NR2F1-AS1: variants seen among roughly 807,000 people sequenced by gnomAD.
NR2F1-AS1 encodes NR2F1 antisense RNA 1.
chr5:93,440,169 TTCTC>T (rs1749533042), intron 4 of NR2F1-AS1, among the ~76,000 whole-genome samples: 1 of 148,844 alleles, frequency 6.7e-6, no homozygotes, highest in African/African-American at 2.5e-5. Context: ...TCAATCCTCT[TTCTC>T]TCGCTCGCTC....
chr5:93,440,674 G>A (rs1230624108), intron 4 of NR2F1-AS1, among the ~76,000 whole-genome samples: 1 of 152,078 alleles, frequency 6.6e-6, no homozygotes, highest in Non-Finnish European at 1.5e-5. Flanking sequence ...CTCTGTTTCT[G>A]AAGATATCTA....
intron 4 of NR2F1-AS1, among the ~76,000 whole-genome samples, chr5:93,511,603 C>T (rs1471393617): frequency 6.6e-6 from 1 of 152,082 alleles, no homozygotes; most frequent in East Asian, 1.9e-4. Context: ...TCATAATGTA[C>T]TACATACAAT....
chr5:93,427,583 C>T (rs1304533287), intron 4 of NR2F1-AS1, among the ~76,000 whole-genome samples: 2 of 152,168 alleles, frequency 1.3e-5, no homozygotes, highest in Non-Finnish European at 2.9e-5. Flanking sequence ...CCACCTGTCC[C>T]TACTCTCAGC....
At chr5:93,527,025 G>A (rs1037297123) in intron 4 of NR2F1-AS1, among the ~76,000 whole-genome samples, 4 of 152,020 alleles carry the variant, frequency 2.6e-5, no homozygotes, top group African/African-American at 9.7e-5. Flanking sequence ...AGAAATAAAG[G>A]GTATTCAAAC....
intron 4 of NR2F1-AS1, among the ~76,000 whole-genome samples, chr5:93,492,687 C>A (rs1750876963): frequency 6.6e-6 from 1 of 151,996 alleles, no homozygotes; most frequent in Non-Finnish European, 1.5e-5. Flanking sequence ...ACACATACAC[C>A]ACGACCAAAT....
At chr5:93,539,378 G>T (rs542498848) in intron 4 of NR2F1-AS1, among the ~76,000 whole-genome samples, 2 of 152,204 alleles carry the variant, frequency 1.3e-5, no homozygotes, top group East Asian at 3.9e-4. Flanking sequence ...CAGATGAATG[G>T]ATAAAGACAA....
At chr5:93,585,203 G>A (rs1580358489), upstream of NR2F1-AS1, 11 of 1,538,176 alleles carry the variant, frequency 7.2e-6, no homozygotes, top group Non-Finnish European at 9.6e-6. Context: ...AGCCCGGAGC[G>A]CCCGCCACCC....
intron 1 of NR2F1-AS1, among the ~76,000 whole-genome samples, chr5:93,578,342 T>C (rs933140779): frequency 2.0e-5 from 3 of 152,212 alleles, no homozygotes; most frequent in African/African-American, 7.2e-5. Flanking sequence ...CAAGGGGTAC[T>C]ATAGGCTTAC....
upstream of NR2F1-AS1, chr5:93,580,952 T>C (rs1753013077): frequency 6.6e-6 from 1 of 152,274 alleles, no homozygotes; most frequent in Admixed American, 6.5e-5. Context: ...GGAGGGGCTG[T>C]GGGGCAGGCA....
At chr5:93,481,353 G>A (rs1259115911) in intron 4 of NR2F1-AS1, among the ~76,000 whole-genome samples, 2 of 151,964 alleles carry the variant, frequency 1.3e-5, no homozygotes, top group African/African-American at 4.8e-5. Flanking sequence ...TCAAACTAGA[G>A]AGCCTGAGAA....
intron 4 of NR2F1-AS1, among the ~76,000 whole-genome samples, chr5:93,413,063 GGT>G (rs71613591): frequency 0.24 from 33,799 of 138,826 alleles, 3,970 homozygotes; most frequent in East Asian, 0.4. Context: ...ATAGCACTAT[GGT>G]GTGTGTGTGT....
chr5:93,419,590 T>C (rs992436917), intron 4 of NR2F1-AS1, among the ~76,000 whole-genome samples: 4 of 152,142 alleles, frequency 2.6e-5, no homozygotes, highest in African/African-American at 7.2e-5. Context: ...TTCTATTATA[T>C]ACTTATATAA....
chr5:93,522,549 G>C (rs1021331773), intron 4 of NR2F1-AS1, among the ~76,000 whole-genome samples: 5 of 152,184 alleles, frequency 3.3e-5, no homozygotes, highest in African/African-American at 1.2e-4. Context: ...GAGGTGGGTG[G>C]CTGGCAAGAT....
At chr5:93,440,769 C>T (rs1328494265) in intron 4 of NR2F1-AS1, among the ~76,000 whole-genome samples, 1 of 152,192 alleles carries the variant, frequency 6.6e-6, no homozygotes, top group Non-Finnish European at 1.5e-5. Context: ...ATTTCAACAG[C>T]CTTCCTAGTC....
chr5:93,469,614 A>T (rs1750323801), intron 4 of NR2F1-AS1, among the ~76,000 whole-genome samples: 1 of 152,072 alleles, frequency 6.6e-6, no homozygotes, highest in Non-Finnish European at 1.5e-5. Context: ...TAGAAACCAG[A>T]TTATTTATCT....
chr5:93,459,843 G>C (rs995132592), intron 4 of NR2F1-AS1, among the ~76,000 whole-genome samples: 1 of 152,020 alleles, frequency 6.6e-6, no homozygotes, highest in Non-Finnish European at 1.5e-5. Context: ...ACTTATAACA[G>C]CCAGGCAGGT....
chr5:93,582,586 G>T (rs978395010), upstream of NR2F1-AS1, among the ~76,000 whole-genome samples: 1 of 152,192 alleles, frequency 6.6e-6, no homozygotes, highest in Non-Finnish European at 1.5e-5. Context: ...CATTAAAATG[G>T]TGGGGGTTTC....
chr5:93,489,430 TA>T (rs1020716648), intron 4 of NR2F1-AS1, among the ~76,000 whole-genome samples: 2 of 151,832 alleles, frequency 1.3e-5, no homozygotes, highest in African/African-American at 4.8e-5. Flanking sequence ...TATATATATA[TA>T]TTTTTAGGCA....
At chr5:93,568,825 A>C (rs1309316992) in intron 1 of NR2F1-AS1, among the ~76,000 whole-genome samples, 3 of 152,158 alleles carry the variant, frequency 2.0e-5, no homozygotes, top group African/African-American at 4.8e-5. Flanking sequence ...AATCCAGTGA[A>C]ATCTTACACA....
Sources: allele counts gnomAD v4.1 joint callset (sites outside exome capture counted in the v4.1 genomes callset), GRCh38; gene constraint gnomAD v4.1.1; transcripts MANE v1.5; gene names NCBI Gene and HGNC (gene_info 2026-07-23, HGNC 2026-07-21).